The following ITM2B variants were observed in gnomAD, a reference collection of about 807,000 sequenced individuals.
ITM2B encodes the protein integral membrane protein 2B.
Under a neutral mutation model 27.8 loss-of-function variants are expected in ITM2B, and 11 were observed. The ratio of observed to expected loss-of-function variants is 0.40; its 90% CI spans 0.25 to 0.66. ITM2B has a LOEUF of 0.66. ITM2B is among the 30% of genes least tolerant of loss of function. The probability of loss-of-function intolerance (pLI) is 0.43; values close to 1 mark genes in which losing one functional copy is unlikely to be tolerated. For missense variants in ITM2B, 296 were observed against 328.9 expected (o/e 0.90, Z 0.77); for synonymous variants, 114 against 114.3 (o/e 1.00, Z 0.02).
rs890313792 is a variant in ITM2B, at chr13:48,237,900, GA to G, written c.117+4432del. On this transcript the variant is annotated intron_variant, in intron 1 of 5. Transcript: ENST00000647800. ...GTCAGTGTCAGTAAAGGAAGACTCA[GA>G]AAAAAAAATCTTTTTGGGTTACCAG... 3.3e-5 allele frequency among the ~76,000 whole-genome samples: 5 copies of G among 151,346 alleles called. No homozygotes were observed. The South Asian group carries it at 1.0e-3, about 32-fold the overall frequency.
At chr13:48,239,179 T>G (rs191801029) in intron 1 of ITM2B, among the ~76,000 whole-genome samples, 1 of 152,208 alleles carries the variant, frequency 6.6e-6, no homozygotes, top group Non-Finnish European at 1.5e-5. Context: ...ATCCAATTCA[T>G]TTTTTCCTCC....
chr13:48,238,157 T>C (rs1271983563), intron 1 of ITM2B, among the ~76,000 whole-genome samples: 1 of 152,120 alleles, frequency 6.6e-6, no homozygotes, highest in Non-Finnish European at 1.5e-5. Context: ...AAGTTGAAAA[T>C]TGGAAATTAT....
At chr13:48,245,883 A>G (rs1951721987) in intron 1 of ITM2B, among the ~76,000 whole-genome samples, 2 of 150,542 alleles carry the variant, frequency 1.3e-5, no homozygotes, top group Admixed American at 1.3e-4. Flanking sequence ...GGTTCACGCC[A>G]TTCTCCTGCC....
At chr13:48,256,435 C>A in intron 3 of ITM2B, 52 bp downstream of exon 3, 1 of 1,325,984 alleles carries the variant, frequency 7.5e-7, no homozygotes, top group Non-Finnish European at 1.1e-6. Context: ...GTAGTTTATG[C>A]TTTTTGTAGT....
chr13:48,254,019 T>C, intron 2 of ITM2B, 83 bp downstream of exon 2: 1 of 1,354,258 alleles, frequency 7.4e-7, no homozygotes, highest in East Asian at 2.3e-5. Context: ...GTTTACAACT[T>C]GCGCTAAGCT....
chr13:48,255,257 G>A (rs545966173), intron 2 of ITM2B, among the ~76,000 whole-genome samples: 14 of 151,134 alleles, frequency 9.3e-5, no homozygotes, highest in South Asian at 2.1e-4. Context: ...GTGTGTGTGC[G>A]CGCGCGTGTG....
In ITM2B at chr13:48,269,670, T is replaced by C. The variant is rs1302096038; in HGVS notation, c.*8446T>C. The stretch of plus-strand genomic sequence containing the variant: ...TGGGCCAGGAATTCCACACCCTCCT[T>C]CCCTCACATGTATCCCAAGGCTCAC... On this transcript the variant is annotated 3_prime_UTR_variant, in exon 6 of 6. Transcript: ENST00000647800. The C allele has an allele frequency of 6.6e-6, 1 of 152,324 alleles. No individual in the cohort carries two copies. Among genetic ancestry groups the C allele is most frequent in the Non-Finnish European group, 1.5e-5 (1 of 68,180 alleles). 9.4% of individuals were successfully genotyped at this position (152,324 alleles called of 1,614,324 possible). A position where few individuals can be genotyped will look rare whatever the true frequency, so the allele number is the denominator to read the frequency against.
At chr13:48,239,359 A>G (rs759029484) in intron 1 of ITM2B, among the ~76,000 whole-genome samples, 35 of 152,200 alleles carry the variant, frequency 2.3e-4, no homozygotes, top group Non-Finnish European at 4.4e-4. Flanking sequence ...TTTTCCTGCC[A>G]GGCGCAAGCC....
chr13:48,261,080 T>A, intron 5 of ITM2B, 59 bp from the exon 6 acceptor site: 1 of 1,051,016 alleles, frequency 9.5e-7, no homozygotes. Context: ...ATAAAAATGA[T>A]GTGAATATTT....
chr13:48,247,953 T>C (rs1461538446), intron 1 of ITM2B, among the ~76,000 whole-genome samples: 1 of 152,078 alleles, frequency 6.6e-6, no homozygotes, highest in African/African-American at 2.4e-5. Context: ...GGGAGTTCTG[T>C]TACCTTTTAA....
intron 4 of ITM2B, 136 bp from the exon 5 acceptor site, chr13:48,258,661 C>A (rs1257695459): frequency 3.8e-6 from 3 of 785,974 alleles, no homozygotes; most frequent in East Asian, 5.2e-5. Context: ...ATAGTGAGAA[C>A]ATAAACAAAC....
At chr13:48,238,240 CAT>C (rs1455111622) in intron 1 of ITM2B, among the ~76,000 whole-genome samples, 3 of 150,002 alleles carry the variant, frequency 2.0e-5, no homozygotes, top group Admixed American at 6.6e-5. Flanking sequence ...ACTTACAACA[CAT>C]ATTTTTAATA....
In ITM2B at chr13:48,267,489, T is replaced by G. The variant is rs969701493; in HGVS notation, c.*6265T>G. The G allele has an allele frequency of 2.0e-5, 3 of 152,122 alleles. No individual in the cohort carries two copies. The highest frequency in any genetic ancestry group is 7.3e-5 in the African/African-American group (3 of 41,360). The allele number at this position is 152,122 out of a possible 1,614,324, so 9.4% of individuals were successfully genotyped here. On this transcript the variant is annotated 3_prime_UTR_variant, in exon 6 of 6. Transcript: ENST00000647800. ...AGTCCCTAGATTCTAGCCCTGCAGCTAGCTGACACTCTAAAAAATTATGAG... is the reference window on the plus strand; with the variant it reads ...AGTCCCTAGATTCTAGCCCTGCAGCGAGCTGACACTCTAAAAAATTATGAG...
chr13:48,250,539 A>G (rs1951749727), intron 1 of ITM2B, among the ~76,000 whole-genome samples: 1 of 151,678 alleles, frequency 6.6e-6, no homozygotes. Flanking sequence ...AATGGTGTGA[A>G]CCCAGGAGGT....
At chr13:48,233,917 C>CT (rs927285560) in intron 1 of ITM2B, among the ~76,000 whole-genome samples, 5 of 152,194 alleles carry the variant, frequency 3.3e-5, no homozygotes, top group African/African-American at 1.2e-4. Flanking sequence ...TTGTTTCCCA[C>CT]TTTCGTTTCT....
intron 1 of ITM2B, among the ~76,000 whole-genome samples, chr13:48,240,789 T>C (rs543200477): frequency 6.6e-6 from 1 of 152,386 alleles, no homozygotes; most frequent in South Asian, 2.1e-4. Context: ...GTAGCATCAT[T>C]GTATACAGTA....
chr13:48,253,693 T>G, intron 1 of ITM2B, 115 bp from the exon 2 acceptor site: 1 of 1,057,704 alleles, frequency 9.5e-7, no homozygotes, highest in South Asian at 1.3e-5. Context: ...ACACAACTCC[T>G]TTGGTCTTTG....
At chr13:48,254,186 T>C (rs1951772572) in intron 2 of ITM2B, among the ~76,000 whole-genome samples, 1 of 152,184 alleles carries the variant, frequency 6.6e-6, no homozygotes, top group Admixed American at 6.5e-5. Flanking sequence ...ATTTAGGTCA[T>C]TGGGTGATTT....
chr13:48,243,446 A>G (rs974788831), intron 1 of ITM2B, among the ~76,000 whole-genome samples: 5 of 152,218 alleles, frequency 3.3e-5, no homozygotes, highest in Non-Finnish European at 7.4e-5. Flanking sequence ...ACAACATATT[A>G]AAAGTAATAT....
Sources: allele counts gnomAD v4.1 joint callset (sites outside exome capture counted in the v4.1 genomes callset), GRCh38; gene constraint gnomAD v4.1.1; transcripts MANE v1.5; gene names NCBI Gene and HGNC (gene_info 2026-07-23, HGNC 2026-07-21).